The following STOML1 variants were observed in gnomAD, a reference collection of about 807,000 sequenced individuals.
STOML1 encodes stomatin like 1.
Under a neutral mutation model 35.7 loss-of-function variants are expected in STOML1, and 27 were observed. The ratio of observed to expected loss-of-function variants is 0.76; its 90% CI spans 0.56 to 1.04. STOML1 has a LOEUF of 1.04. STOML1 is among the 50% of genes least tolerant of loss of function. The pLI is 0.00. For synonymous variants in STOML1, 219 were observed against 227.9 expected (o/e 0.96, Z 0.35); for missense variants, 451 against 527.1 (o/e 0.86, Z 1.41).
rs1595856610 is a variant in STOML1 at position 73,981,163 on chromosome 15, C to G, written c.*2774G>C. The G allele has an allele frequency of 6.6e-6, 1 of 152,182 alleles. No homozygotes were observed. Among genetic ancestry groups the G allele is most frequent in the Admixed American group, 6.5e-5 (1 of 15,268 alleles). The allele number at this position is 152,182 out of a possible 1,614,324, so 9.4% of individuals were successfully genotyped here. On this transcript the variant is annotated 3_prime_UTR_variant, in exon 7 of 7. Transcript: ENST00000541638. ...TTGAGGTCAGGAGTTCGAGACCAGC[C>G]TGGTCAACATGGTGAAATCCCATCT...
chr15:73,986,389 G>A (rs1226310569), intron 4 of STOML1: 2 of 152,164 alleles, frequency 1.3e-5, no homozygotes, highest in Non-Finnish European at 2.9e-5. Flanking sequence ...GGTGTCTGTG[G>A]GGCAGTCAAT....
upstream of STOML1, chr15:73,992,446 T>G: frequency 4.9e-6 from 2 of 404,792 alleles, no homozygotes; most frequent in Non-Finnish European, 8.4e-6. Context: ...CTACTGGGTG[T>G]GATCGGCGTT....
At chr15:73,994,595 C>G, upstream of STOML1, 1 of 611,312 alleles carries the variant, frequency 1.6e-6, no homozygotes. Context: ...CTACCTCCTC[C>G]CCGCTCTGGG....
At chr15:73,994,553 T>C (rs1344142854), upstream of STOML1, 5 of 561,904 alleles carry the variant, frequency 8.9e-6, no homozygotes, top group African/African-American at 1.9e-5. Flanking sequence ...CGCTTTACCG[T>C]AAGTCAGCGG....
In STOML1 at chr15:73,983,949, C is replaced by G; in HGVS notation, c.1185G>C (p.Arg395Ser). Residue 395 changes from arginine to serine, a missense_variant, in exon 7 of 7, where the codon AGG becomes AGC. Coordinates refer to ENST00000541638, the MANE Select transcript of STOML1 (RefSeq NM_004809.5). ...AMAMKLEAVL[R>S]ALK ...TCAGCCAAGGCTGCTACTTCAAGGC[C>G]CTGAGGACAGCCTCCAGCTTCATGG... is the stretch of plus-strand genomic sequence containing the variant. 6.2e-7 allele frequency: 1 copy of G among 1,613,380 alleles called. No homozygotes were observed. The highest frequency in any genetic ancestry group is 8.5e-7 in the Non-Finnish European group (1 of 1,179,634).
rs1271788998 is a variant in STOML1 at position 73,985,943 on chromosome 15, G to T, written c.595-430C>A. Reference sequence around the variant, plus strand: ...TCTGCTTACTTTGATTTATTCTGAGGCAACAAAGAGCCCCAGGGAGGAGTT... The same window carrying T: ...TCTGCTTACTTTGATTTATTCTGAGTCAACAAAGAGCCCCAGGGAGGAGTT... On this transcript the variant is annotated intron_variant, in intron 4 of 6. Coordinates refer to ENST00000541638, the MANE Select transcript of STOML1 (RefSeq NM_004809.5). 4.0e-5 allele frequency: 7 copies of T among 173,340 alleles called. No homozygotes were observed. The East Asian group carries it at 1.1e-3, about 28-fold the overall frequency. 10.7% of individuals were successfully genotyped at this position (173,340 alleles called of 1,614,324 possible).
At chr15:73,984,986 C>T (rs779187527) in intron 5 of STOML1, 115 bp from the exon 6 acceptor site, 5 of 1,212,492 alleles carry the variant, frequency 4.1e-6, no homozygotes, top group Non-Finnish European at 5.8e-6. Context: ...CTCTTAGATC[C>T]CCTTCAGGCC....
At chr15:73,989,285 G>A in intron 2 of STOML1, 28 bp from the exon 3 acceptor site, 1 of 1,558,596 alleles carries the variant, frequency 6.4e-7, no homozygotes, top group Non-Finnish European at 8.7e-7. Flanking sequence ...GGAAAGAGTT[G>A]AAAGTGGTCA....
upstream of STOML1, among the ~76,000 whole-genome samples, chr15:73,993,856 C>A (rs1043759194): frequency 6.6e-6 from 1 of 152,044 alleles, no homozygotes; most frequent in Admixed American, 6.6e-5. Flanking sequence ...TCTTCATACC[C>A]GCTCTCCAGC....
At chr15:73,989,074 G>C in intron 3 of STOML1, 34 bp downstream of exon 3, 4 of 1,548,764 alleles carry the variant, frequency 2.6e-6, no homozygotes, top group Non-Finnish European at 3.5e-6. Context: ...CAGGCCCCCA[G>C]TTCCTCTGTC....
At position 73,985,336 on chromosome 15, in the gene STOML1, C is replaced by T; in HGVS notation, c.772G>A (p.Ala258Thr). Residue 258 changes from alanine to threonine, a missense_variant, in exon 5 of 7, where the codon GCC becomes ACC. Physicochemically the swap from Ala to Thr is moderately conservative, Grantham distance 58 (BLOSUM62 0). Coordinates refer to ENST00000541638, the MANE Select transcript of STOML1 (RefSeq NM_004809.5). ...TCCTCACCTGGCCCCGGGGACGGGG[C>T]ACCTCCTGCCATTGAGTTCATGCTT... Reference protein sequence around the residue: ...GGSMNSMAGGAPSPGPADTVE... With the variant: ...GGSMNSMAGGTPSPGPADTVE... 4 of 1,541,336 alleles carry T rather than the reference C, an allele frequency of 2.6e-6. No homozygotes were observed. In the South Asian group the frequency reaches 3.8e-5, roughly 15 times the overall value.
rs1408998693 is a variant in STOML1, at chr15:73,980,622, A to C, written c.*3315T>G. ...TCTTGCATATATTTTTTTTTAAAAA[A>C]CAAAACCTTCAGGAAGAATTACCAA... is the stretch of plus-strand genomic sequence containing the variant. On this transcript the variant is annotated 3_prime_UTR_variant, in exon 7 of 7. Coordinates refer to ENST00000541638, the MANE Select transcript of STOML1 (RefSeq NM_004809.5). 1 of 152,248 alleles carries C rather than the reference A, an allele frequency of 6.6e-6. No individual in the cohort carries two copies. Among genetic ancestry groups the C allele is most frequent in the Non-Finnish European group, 1.5e-5 (1 of 68,048 alleles). The allele number at this position is 152,248 out of a possible 1,614,324, so 9.4% of individuals were successfully genotyped here.
chr15:73,993,857 G>A (rs903963047), upstream of STOML1, among the ~76,000 whole-genome samples: 1 of 151,412 alleles, frequency 6.6e-6, no homozygotes, highest in African/African-American at 2.4e-5. Flanking sequence ...CTTCATACCC[G>A]CTCTCCAGCT....
In STOML1 at chr15:73,984,778, A is replaced by G; in HGVS notation, c.884T>C (p.Leu295Pro). ...AGACAGGAAGGGCTGTAGAGCAGTCAGTAGCCCCTCCGCCAGAGGCTGCTT... is the reference window on the plus strand; with the variant it reads ...AGACAGGAAGGGCTGTAGAGCAGTCGGTAGCCCCTCCGCCAGAGGCTGCTT... ...SPKQPLAEGL[L>P]TALQPFLSEA... Residue 295 changes from leucine to proline, a missense_variant, in exon 6 of 7, where the codon CTG becomes CCG. Transcript: ENST00000541638. 1.9e-6 allele frequency: 3 copies of G among 1,614,142 alleles called. No individual in the cohort carries two copies. The highest frequency in any genetic ancestry group is 2.5e-6 in the Non-Finnish European group (3 of 1,180,044).
chr15:73,980,183 C>G lies in STOML1; in HGVS notation c.*3754G>C, dbSNP rs1480500082. On this transcript the variant is annotated 3_prime_UTR_variant, in exon 7 of 7. Coordinates refer to ENST00000541638, the MANE Select transcript of STOML1 (RefSeq NM_004809.5). ...TGACATGACTATGAGAAAAAAACAC[C>G]ACTGACAATGGGAGTGTAAATTGGT... 2.0e-5 allele frequency: 3 copies of G among 151,940 alleles called. No homozygotes were observed. The highest frequency in any genetic ancestry group is 7.3e-5 in the African/African-American group (3 of 41,332). 9.4% of individuals were successfully genotyped at this position (151,940 alleles called of 1,614,324 possible).
intron 4 of STOML1, 167 bp from the exon 5 acceptor site, chr15:73,985,680 A>G (rs2069074983): frequency 3.6e-6 from 3 of 831,872 alleles, no homozygotes; most frequent in Admixed American, 7.6e-5. Flanking sequence ...CAGCTGTGGT[A>G]AGTGCCAAGA....
At chr15:73,984,244 T>A in intron 6 of STOML1, 114 bp from the exon 7 acceptor site, 1 of 1,177,740 alleles carries the variant, frequency 8.5e-7, no homozygotes, top group Non-Finnish European at 1.2e-6. Context: ...TGGTTAAGAG[T>A]TTGGGTTCTA....
rs2068933711 is a variant in STOML1, at chr15:73,979,233, G to C, written c.*4704C>G. ...AGCTGGAGGTGGCAAGCACTGACGG[G>C]AAGTGACGTGGAGAACTTTGTGAGT... On this transcript the variant is annotated 3_prime_UTR_variant, in exon 7 of 7. Coordinates refer to ENST00000541638, the MANE Select transcript of STOML1 (RefSeq NM_004809.5). 3 of 152,212 alleles carry C rather than the reference G, an allele frequency of 2.0e-5. No homozygotes were observed. Among genetic ancestry groups the C allele is most frequent in the Admixed American group, 2.0e-4 (3 of 15,284 alleles). 9.4% of individuals were successfully genotyped at this position (152,212 alleles called of 1,614,324 possible).
At chr15:73,986,625 TTCTGGGG>T (rs1403475127) in intron 4 of STOML1, 1 of 151,442 alleles carries the variant, frequency 6.6e-6, no homozygotes, top group Non-Finnish European at 1.5e-5. Context: ...GTACAGGGGG[TTCTGGGG>T]GCTGGGGGCT....
Sources: gnomAD v4.1 joint callset for allele counts (sites outside exome capture counted in the v4.1 genomes callset) on GRCh38, gnomAD v4.1.1 for gene constraint, MANE v1.5 for transcripts, NCBI Gene and HGNC (gene_info 2026-07-23, HGNC 2026-07-21) for gene names.